The following CATSPER3 variants were observed in gnomAD, a reference collection of about 807,000 sequenced individuals.
The protein encoded by CATSPER3 is cation channel sperm associated 3, also known as cation channel sperm-associated protein 3.
In CATSPER3, 23 loss-of-function variants were observed where a neutral mutation model predicts 36.6. The observed-to-expected ratio is 0.63, with a 90% CI of 0.45 to 0.89. The LOEUF (loss-of-function observed/expected upper bound fraction) is 0.89. Among genes scored for constraint, CATSPER3 ranks in the 40% least tolerant of loss-of-function variants. The pLI, the probability that CATSPER3 is intolerant of heterozygous loss-of-function variation, is 0.00. For missense variants in CATSPER3, 474 were observed against 503.9 expected (o/e 0.94, Z 0.57); for synonymous variants, 172 against 184.1 (o/e 0.93, Z 0.53).
In CATSPER3 at chr5:135,011,654, C is replaced by G; in HGVS notation, c.*31C>G. On this transcript the variant is annotated 3_prime_UTR_variant, in exon 8 of 8. Coordinates refer to ENST00000282611, the MANE Select transcript of CATSPER3 (RefSeq NM_178019.3). The stretch of plus-strand genomic sequence containing the variant: ...CATGGGGCACCCATGTGCCGAGAGC[C>G]TTGCAGACCATGACAGGTCCCTATT... 6.8e-7 allele frequency: 1 copy of G among 1,474,472 alleles called. No individual in the cohort carries two copies. The highest frequency in any genetic ancestry group is 9.5e-7 in the Non-Finnish European group (1 of 1,055,768). The allele number at this position is 1,474,472 out of a possible 1,614,324, so 91.3% of individuals were successfully genotyped here. A position where few individuals can be genotyped will look rare whatever the true frequency, so the allele number is the denominator to read the frequency against.
intron 2 of CATSPER3, among the ~76,000 whole-genome samples, chr5:134,984,419 TAGAA>T (rs781345423): frequency 2.6e-5 from 4 of 151,740 alleles, no homozygotes; most frequent in Non-Finnish European, 4.4e-5. Flanking sequence ...TCAAAGAAAT[TAGAA>T]AGAAAAACAA....
chr5:135,000,366 T>C (rs1210775846), intron 3 of CATSPER3, among the ~76,000 whole-genome samples: 2 of 152,230 alleles, frequency 1.3e-5, no homozygotes, highest in African/African-American at 4.8e-5. Context: ...ATCAGGGATA[T>C]TGGTCTAAAA....
chr5:134,996,537 T>G (rs1751952139), intron 3 of CATSPER3, 25 bp downstream of exon 3: 1 of 1,612,516 alleles, frequency 6.2e-7, no homozygotes, highest in Non-Finnish European at 8.5e-7. Context: ...GGTGTCATGG[T>G]GCTGGGAGGG....
intron 2 of CATSPER3, among the ~76,000 whole-genome samples, chr5:134,971,637 C>G (rs550712778): frequency 9.9e-5 from 15 of 152,276 alleles, no homozygotes; most frequent in Admixed American, 5.9e-4. Flanking sequence ...ACAGTATTGT[C>G]TAATCCAATA....
At chr5:134,985,551 A>T (rs1170096150) in intron 2 of CATSPER3, among the ~76,000 whole-genome samples, 1 of 152,092 alleles carries the variant, frequency 6.6e-6, no homozygotes, top group Non-Finnish European at 1.5e-5. Flanking sequence ...TAGGTAGTCT[A>T]AAGTCCCAGA....
At position 135,008,913 on chromosome 5, in the gene CATSPER3, A is replaced by G. The variant is rs1261145470; in HGVS notation, c.748A>G (p.Ile250Val). ...EFALSRAFTI[I>V]FILLASFIFL... Reference sequence around the variant, plus strand: ...TGCTTTGAGCCGGGCATTCACCATCATCTTCATCTTGCTCGCCTCTTTCAT... The same window carrying G: ...TGCTTTGAGCCGGGCATTCACCATCGTCTTCATCTTGCTCGCCTCTTTCAT... Residue 250 changes from isoleucine (I) to valine (V), a missense_variant, in exon 5 of 8, where the codon ATC (isoleucine) becomes GTC (valine). Transcript: ENST00000282611. 4 of 1,614,032 alleles carry G rather than the reference A, an allele frequency of 2.5e-6. No individual in the cohort carries two copies. The highest frequency in any genetic ancestry group is 3.4e-6 in the Non-Finnish European group (4 of 1,179,958).
chr5:134,969,240 G>T (rs1751571687), intron 1 of CATSPER3: 1 of 152,262 alleles, frequency 6.6e-6, no homozygotes, highest in African/African-American at 2.4e-5. Flanking sequence ...GAGAATGAAT[G>T]GTTCTCAGGC....
intron 1 of CATSPER3, 163 bp downstream of exon 1, chr5:134,968,252 A>G (rs1251051673): frequency 1.2e-5 from 8 of 656,110 alleles, no homozygotes; most frequent in Admixed American, 6.3e-5. Flanking sequence ...TGAGGCTGGC[A>G]TGCTATTACC....
chr5:134,972,336 A>G (rs555763021), intron 2 of CATSPER3, among the ~76,000 whole-genome samples: 1 of 152,362 alleles, frequency 6.6e-6, no homozygotes, highest in South Asian at 2.1e-4. Context: ...CTTAACCCGT[A>G]GATAATGAAA....
intron 2 of CATSPER3, among the ~76,000 whole-genome samples, chr5:134,977,416 A>G (rs775313200): frequency 2.6e-5 from 4 of 152,210 alleles, no homozygotes; most frequent in Non-Finnish European, 5.9e-5. Context: ...TAGGATATGG[A>G]AACAATGCAA....
intron 2 of CATSPER3, 91 bp from the exon 3 acceptor site, chr5:134,996,182 G>A (rs527956680): frequency 9.7e-6 from 15 of 1,541,028 alleles, no homozygotes; most frequent in Non-Finnish European, 1.3e-5. Context: ...TGACTTAGGA[G>A]CACCCCTTCC....
intron 3 of CATSPER3, among the ~76,000 whole-genome samples, chr5:135,006,980 C>T (rs1041360503): frequency 1.3e-5 from 2 of 152,236 alleles, no homozygotes; most frequent in Admixed American, 6.5e-5. Flanking sequence ...CAAACCGTTC[C>T]GCATGGAGGG....
Position 135,011,512 on chromosome 5 carries a change from AT to A in CATSPER3, c.1095-4del. 6.2e-7 allele frequency: 1 copy of A among 1,610,202 alleles called. No homozygotes were observed. The highest frequency in any genetic ancestry group is 8.5e-7 in the Non-Finnish European group (1 of 1,176,982). On this transcript the variant is annotated splice_polypyrimidine_tract_variant and splice_region_variant and intron_variant, in intron 7 of 7. Coordinates refer to ENST00000282611, the MANE Select transcript of CATSPER3 (RefSeq NM_178019.3). Reference sequence around the variant, plus strand: ...CTCAGATCTTATCTCCTCCTGCTCCATTTTTCAGGCTTCAAGAGCTGTACTA... The same window carrying A: ...CTCAGATCTTATCTCCTCCTGCTCCATTTTCAGGCTTCAAGAGCTGTACTA...
chr5:134,979,378 C>G (rs756739539), intron 2 of CATSPER3, among the ~76,000 whole-genome samples: 3 of 152,140 alleles, frequency 2.0e-5, no homozygotes, highest in African/African-American at 7.2e-5. Flanking sequence ...CTCAAGTGAT[C>G]CACTCACCTT....
chr5:134,983,820 T>C (rs1056165582), intron 2 of CATSPER3, among the ~76,000 whole-genome samples: 1 of 152,170 alleles, frequency 6.6e-6, no homozygotes, highest in Non-Finnish European at 1.5e-5. Flanking sequence ...AATTAAAATA[T>C]TGAAATCAAA....
chr5:134,978,331 C>T (rs1170221277), intron 2 of CATSPER3, among the ~76,000 whole-genome samples: 1 of 152,014 alleles, frequency 6.6e-6, no homozygotes, highest in Non-Finnish European at 1.5e-5. Flanking sequence ...AAAGAAATGG[C>T]GTGTTTGAGG....
intron 2 of CATSPER3, among the ~76,000 whole-genome samples, chr5:134,979,895 A>C (rs1156436054): frequency 6.6e-6 from 1 of 152,080 alleles, no homozygotes; most frequent in African/African-American, 2.4e-5. Flanking sequence ...AGCCAATCTA[A>C]AAAATCTAGG....
At chr5:134,978,912 C>T (rs899321840) in intron 2 of CATSPER3, among the ~76,000 whole-genome samples, 9 of 151,700 alleles carry the variant, frequency 5.9e-5, no homozygotes, top group East Asian at 2.0e-4. Flanking sequence ...TTAGTAGAGA[C>T]GGGGTTTCAC....
chr5:134,996,591 G>A (rs931672462), intron 3 of CATSPER3, 79 bp downstream of exon 3: 2 of 1,442,058 alleles, frequency 1.4e-6, no homozygotes, highest in African/African-American at 2.8e-5. Flanking sequence ...AGGAAATAAT[G>A]ACTCTACTAC....
Sources: gnomAD v4.1 joint callset for allele counts (sites outside exome capture counted in the v4.1 genomes callset) on GRCh38, gnomAD v4.1.1 for gene constraint, MANE v1.5 for transcripts, NCBI Gene and HGNC (gene_info 2026-07-23, HGNC 2026-07-21) for gene names.